POU3F3: variants seen among roughly 807,000 people sequenced by gnomAD.
POU3F3 encodes POU domain, class 3, transcription factor 3.
A neutral mutation model predicts 8.6 loss-of-function variants in POU3F3; 1 was observed. That is an observed-to-expected ratio of 0.12 (90% CI 0.04 to 0.55). The LOEUF is 0.55. Ranked by LOEUF, POU3F3 falls within the 20% of genes least tolerant of loss-of-function variation. The pLI, the probability that POU3F3 is intolerant of heterozygous loss-of-function variation, is 0.91. For missense variants in POU3F3, 577 were observed against 690.7 expected (o/e 0.84, Z 1.84); for synonymous variants, 418 against 327.4 (o/e 1.28, Z -2.99).
the POU3F3 span, among the ~76,000 whole-genome samples, chr2:104,868,957 G>T: frequency 2.6e-5 from 4 of 152,172 alleles, no homozygotes; most frequent in Non-Finnish European, 4.4e-5. Context: ...AGGGAGACTT[G>T]CTGACGTGAA....
At chr2:104,863,768 C>G in the POU3F3 span, among the ~76,000 whole-genome samples, 16 of 152,322 alleles carry the variant, frequency 1.1e-4, no homozygotes, top group Admixed American at 8.5e-4. Context: ...GAAGGAGATG[C>G]GCTGACTTGT....
the POU3F3 span, among the ~76,000 whole-genome samples, chr2:104,890,996 G>A: frequency 6.6e-6 from 1 of 152,144 alleles, no homozygotes; most frequent in African/African-American, 2.4e-5. Context: ...AAGCTGCTCT[G>A]GCTACTAGCT....
chr2:104,883,429 C>T, the POU3F3 span, among the ~76,000 whole-genome samples: 93,097 of 152,110 alleles, frequency 0.61, 28,797 homozygotes, highest in East Asian at 0.87. Context: ...ATTGGCCATG[C>T]ACACACATTG....
At chr2:104,879,958 T>A in the POU3F3 span, among the ~76,000 whole-genome samples, 1 of 152,154 alleles carries the variant, frequency 6.6e-6, no homozygotes. Context: ...GAATACAAAA[T>A]CATCATACGA....
chr2:104,879,333 G>A, the POU3F3 span, among the ~76,000 whole-genome samples: 19 of 152,128 alleles, frequency 1.2e-4, no homozygotes, highest in East Asian at 2.7e-3. Context: ...GCAGGGGTAC[G>A]TGAGCTGGTG....
chr2:104,875,168 C>T, the POU3F3 span, among the ~76,000 whole-genome samples: 3 of 152,212 alleles, frequency 2.0e-5, no homozygotes, highest in Non-Finnish European at 4.4e-5. Flanking sequence ...AGCAGAATTT[C>T]CTTCCCTTTT....
the POU3F3 span, among the ~76,000 whole-genome samples, chr2:104,912,261 A>G: frequency 9.2e-5 from 14 of 152,328 alleles, no homozygotes; most frequent in African/African-American, 3.4e-4. Flanking sequence ...TTGAATAAAC[A>G]AAGGAAGGGG....
the POU3F3 span, chr2:104,872,290 C>T: frequency 1.5e-5 from 7 of 456,724 alleles, no homozygotes; most frequent in East Asian, 4.9e-4. This position sits in a 1 kb window ranked among gnomAD's most constrained non-coding sequence, Gnocchi z 4.6. Flanking sequence ...AAACCGGCCT[C>T]TTCGGGACAA....
At chr2:104,887,938 TAGG>T in the POU3F3 span, among the ~76,000 whole-genome samples, 1 of 152,150 alleles carries the variant, frequency 6.6e-6, no homozygotes, top group African/African-American at 2.4e-5. Flanking sequence ...GAATAACAAT[TAGG>T]AGCAGTTAGC....
chr2:104,874,820 A>G, the POU3F3 span, among the ~76,000 whole-genome samples: 1 of 152,230 alleles, frequency 6.6e-6, no homozygotes, highest in Non-Finnish European at 1.5e-5. Flanking sequence ...ACTTTTTTAT[A>G]GTAGTAAAAT....
chr2:104,855,868 T>C lies in POU3F3; in HGVS notation c.358T>C (p.Ser120Pro). 9.6e-7 allele frequency: 1 copy of C among 1,045,276 alleles called. No homozygotes were observed. Among genetic ancestry groups the C allele is most frequent in the Non-Finnish European group, 1.1e-6 (1 of 881,946 alleles). 64.8% of individuals were successfully genotyped at this position (1,045,276 alleles called of 1,614,324 possible). A position where few individuals can be genotyped will look rare whatever the true frequency, so the allele number is the denominator to read the frequency against. ...CGCCGCCGCCGCCGTGGAGGCGAGC[T>C]CGCCGTGGTCGGGCAGCGCCGTGGG... is the stretch of plus-strand genomic sequence containing the variant. ...AAAAAAVEAS[S>P]PWSGSAVGMA... The change falls in exon 1 of 1, where the codon TCG becomes CCG. Residue 120 changes from serine to proline, a missense_variant. By Grantham distance (74) the Ser-to-Pro change is moderately conservative. This residue lies in a region of POU3F3 where 484 missense variants were observed against 422.6 expected (regional missense o/e 1.15). Transcript: ENST00000361360.
At position 104,856,711 on chromosome 2, in the gene POU3F3, G is replaced by A; in HGVS notation, c.1201G>A (p.Ala401Thr). The A allele has an allele frequency of 6.2e-7, 1 of 1,614,128 alleles. No individual in the cohort carries two copies. Among genetic ancestry groups the A allele is most frequent in the Non-Finnish European group, 8.5e-7 (1 of 1,180,034 alleles). The change falls in exon 1 of 1, where the codon GCG becomes ACG. Residue 401 changes from alanine (A) to threonine (T), a missense_variant. Ala to Thr is a moderately conservative substitution (Grantham distance 58, BLOSUM62 0). Around this residue, in one of 7 missense-constraint regions of POU3F3, gnomAD observed 15 missense variants for 17.1 expected, o/e 0.88. Coordinates refer to ENST00000361360, the MANE Select transcript of POU3F3 (RefSeq NM_006236.3). ...CAGCCCCACAAGCATCGACAAGATCGCGGCGCAGGGCCGCAAGCGCAAGAA... is the reference window on the plus strand; with the variant it reads ...CAGCCCCACAAGCATCGACAAGATCACGGCGCAGGGCCGCAAGCGCAAGAA... ...TGSPTSIDKI[A>T]AQGRKRKKRT... is the part of the protein sequence containing the mutation.
At chr2:104,879,987 G>T in the POU3F3 span, among the ~76,000 whole-genome samples, 1 of 152,138 alleles carries the variant, frequency 6.6e-6, no homozygotes, top group Non-Finnish European at 1.5e-5. Context: ...CAAAAGCTAA[G>T]ATTTCGAATG....
the POU3F3 span, among the ~76,000 whole-genome samples, chr2:104,905,298 T>C: frequency 6.6e-6 from 1 of 152,216 alleles, no homozygotes; most frequent in Admixed American, 6.5e-5. Context: ...AAATAGACCA[T>C]AGTATTTAGT....
At chr2:104,882,245 T>A in the POU3F3 span, among the ~76,000 whole-genome samples, 2 of 24,290 alleles carry the variant, frequency 8.2e-5, no homozygotes, top group African/African-American at 7.2e-4. Context: ...AAACCTGAAT[T>A]TTTTTTTTTT....
At chr2:104,919,889 A>T in the POU3F3 span, among the ~76,000 whole-genome samples, 2 of 151,950 alleles carry the variant, frequency 1.3e-5, no homozygotes, top group Non-Finnish European at 2.9e-5. Flanking sequence ...AAAATCACAC[A>T]CACACAGAGG....
the POU3F3 span, chr2:104,925,984 G>A: frequency 6.6e-6 from 1 of 152,222 alleles, no homozygotes; most frequent in South Asian, 2.1e-4. Context: ...CAAGATCAAG[G>A]TGCTGCCGGA....
chr2:104,920,161 C>T, the POU3F3 span, among the ~76,000 whole-genome samples: 3 of 152,184 alleles, frequency 2.0e-5, no homozygotes, highest in Non-Finnish European at 4.4e-5. Context: ...ATTACAGGCG[C>T]ATGCCATCAC....
At chr2:104,903,539 G>C in the POU3F3 span, among the ~76,000 whole-genome samples, 1 of 152,222 alleles carries the variant, frequency 6.6e-6, no homozygotes, top group Non-Finnish European at 1.5e-5. Context: ...ACAAGGCACA[G>C]TAATAGGCAG....
Sources: gnomAD v4.1 joint callset for allele counts (sites outside exome capture counted in the v4.1 genomes callset) on GRCh38, gnomAD v4.1.1 for gene constraint, gnomAD v4.1.1 regional missense constraint, Gnocchi (gnomAD v3.1) non-coding constraint, MANE v1.5 for transcripts, NCBI Gene and HGNC (gene_info 2026-07-23, HGNC 2026-07-21) for gene names.